Variants in SMIM35 observed in about 807,000 individuals in gnomAD.
The protein encoded by SMIM35 is TMPRSS4 antisense RNA 1 (non-protein coding).
chr11:118,051,928 T>C (rs1944222660), intron 1 of SMIM35, among the ~76,000 whole-genome samples: 1 of 151,796 alleles, frequency 6.6e-6, no homozygotes, highest in Admixed American at 6.6e-5. Flanking sequence ...GCAGGGAGAG[T>C]GCTAGGTGTG....
chr11:118,004,164 T>C lies in SMIM35; in HGVS notation c.*2246A>G, dbSNP rs1290870412. ...TCCCATCATGGAGGCCCCATCCTCA[T>C]GACCTCATCTAAACCAATTACCTCC... On this transcript the variant is annotated 3_prime_UTR_variant, in exon 5 of 5. Coordinates refer to ENST00000689828, the MANE Select transcript of SMIM35 (RefSeq NM_001394165.1). The C allele has an allele frequency of 1.3e-5, 2 of 152,246 alleles. No homozygotes were observed. Among genetic ancestry groups the C allele is most frequent in the Non-Finnish European group, 2.9e-5 (2 of 68,042 alleles). The allele number at this position is 152,246 out of a possible 1,614,324, so 9.4% of individuals were successfully genotyped here.
intron 1 of SMIM35, among the ~76,000 whole-genome samples, chr11:118,030,591 C>T (rs1398902717): frequency 6.6e-5 from 10 of 152,098 alleles, no homozygotes; most frequent in Admixed American, 4.6e-4. Context: ...TCCTGAGCAG[C>T]GTGAAGCGGG....
At chr11:118,038,543 A>C (rs1943946888) in intron 1 of SMIM35, among the ~76,000 whole-genome samples, 1 of 152,260 alleles carries the variant, frequency 6.6e-6, no homozygotes, top group South Asian at 2.1e-4. Context: ...CAGCTACTGC[A>C]AATGAGTCCA....
At chr11:118,010,811 G>A (rs1313401462) in intron 4 of SMIM35, among the ~76,000 whole-genome samples, 1 of 152,184 alleles carries the variant, frequency 6.6e-6, no homozygotes, top group Admixed American at 6.5e-5. Context: ...CCCAGCCCCC[G>A]TGACTGCCTC....
rs886889101 is a variant in SMIM35, at chr11:118,049,029, A to AT, written c.8-33221dup. Among the ~76,000 whole-genome samples, 16 of 148,656 alleles carry AT rather than the reference A, an allele frequency of 1.1e-4. 1 individual carries two copies. The South Asian group carries it at 3.5e-3, about 32-fold the overall frequency. ...GTACTACTTTTGCAACCAAAAATAT[A>AT]TTTTTTTAAGTAAGAGCGCTATTTC... On this transcript the variant is annotated intron_variant, in intron 1 of 4. Transcript: ENST00000689828.
At chr11:118,083,945 G>A (rs927712068) in intron 1 of SMIM35, among the ~76,000 whole-genome samples, 3 of 152,162 alleles carry the variant, frequency 2.0e-5, no homozygotes, top group African/African-American at 7.2e-5. Context: ...GGCTGAGCCA[G>A]GAGAATCGCT....
intron 1 of SMIM35, among the ~76,000 whole-genome samples, chr11:118,062,994 C>T (rs1056084095): frequency 1.3e-5 from 2 of 152,114 alleles, no homozygotes; most frequent in African/African-American, 2.4e-5. Flanking sequence ...GACCTCTGGT[C>T]GTCCTCACTG....
chr11:118,042,470 AT>A lies in SMIM35; in HGVS notation c.8-26662del, dbSNP rs560242827. ...AAAGAGGCTGAACTAGCAATAAAAAATAATACCCACAAGAAAAACCCAAGCC... is the reference window on the plus strand; with the variant it reads ...AAAGAGGCTGAACTAGCAATAAAAAAAATACCCACAAGAAAAACCCAAGCC... On this transcript the variant is annotated intron_variant, in intron 1 of 4. Transcript: ENST00000689828. Among the ~76,000 whole-genome samples the A allele has an allele frequency of 3.4e-3, 515 of 152,344 alleles. 3 individuals are homozygous for A. The highest frequency in any genetic ancestry group is 4.8e-3 in the Non-Finnish European group (324 of 68,038).
In SMIM35 at chr11:118,061,949, G is replaced by A. The variant is rs58958567; in HGVS notation, c.7+24802C>T. Among the ~76,000 whole-genome samples, 1,325 of 152,256 alleles carry A rather than the reference G, an allele frequency of 8.7e-3. 24 individuals are homozygous for A. The highest frequency in any genetic ancestry group is 0.03 in the African/African-American group (1,262 of 41,540). On this transcript the variant is annotated intron_variant, in intron 1 of 4. Transcript: ENST00000689828. ...GGGCAGAACCCCACCAACTGCCTCG[G>A]TCCAAGTTCATTACAACTCAGTCTC...
At position 118,044,667 on chromosome 11, in the gene SMIM35, C is replaced by T. The variant is rs143155129; in HGVS notation, c.8-28858G>A. ...CGGGCACCTGTAATTCCAGCTACTC[C>T]GGAGGCTGAGGCAGGAGAGTTGCTT... On this transcript the variant is annotated intron_variant, in intron 1 of 4. Coordinates refer to ENST00000689828, the MANE Select transcript of SMIM35 (RefSeq NM_001394165.1). Among the ~76,000 whole-genome samples the T allele has an allele frequency of 9.1e-3, 1,369 of 150,272 alleles. 19 individuals carry two copies. The highest frequency in any genetic ancestry group is 0.031 in the African/African-American group (1,281 of 40,842).
chr11:118,043,550 C>T (rs1467201436), intron 1 of SMIM35, among the ~76,000 whole-genome samples: 1 of 152,090 alleles, frequency 6.6e-6, no homozygotes, highest in Non-Finnish European at 1.5e-5. Flanking sequence ...GTGACTCACA[C>T]CTGTAATTCC....
At chr11:118,048,594 GAAGC>G (rs1198910735) in intron 1 of SMIM35, among the ~76,000 whole-genome samples, 18 of 129,992 alleles carry the variant, frequency 1.4e-4, no homozygotes, top group East Asian at 1.3e-3. Context: ...AGGAAGGAAG[GAAGC>G]AAGGAAGCAA....
At chr11:118,064,172 C>T (rs1446864017) in intron 1 of SMIM35, among the ~76,000 whole-genome samples, 1 of 152,156 alleles carries the variant, frequency 6.6e-6, no homozygotes, top group Non-Finnish European at 1.5e-5. Context: ...GGGGAGAACC[C>T]CCAGGCATTT....
At chr11:118,014,056 G>T (rs182467324) in intron 3 of SMIM35, among the ~76,000 whole-genome samples, 176 bp from the exon 4 acceptor site, 1 of 152,196 alleles carries the variant, frequency 6.6e-6, no homozygotes, top group Non-Finnish European at 1.5e-5. Context: ...CCTGTGGCAA[G>T]TAGATGAGAT....
At chr11:118,028,719 G>A (rs149937973) in intron 1 of SMIM35, 6 of 397,544 alleles carry the variant, frequency 1.5e-5, no homozygotes, top group African/African-American at 1.3e-4. Flanking sequence ...ACAAAGTAAG[G>A]TCAAGGGGTA....
At chr11:118,018,893 T>C (rs1163879473) in intron 1 of SMIM35, among the ~76,000 whole-genome samples, 1 of 152,208 alleles carries the variant, frequency 6.6e-6, no homozygotes, top group Non-Finnish European at 1.5e-5. Context: ...AAATATTTCA[T>C]GCATACAAGA....
At position 118,083,562 on chromosome 11, in the gene SMIM35, CTA is replaced by C. The variant is rs575623837; in HGVS notation, c.7+3187_7+3188del. Among the ~76,000 whole-genome samples, 12 of 152,218 alleles carry C rather than the reference CTA, an allele frequency of 7.9e-5. No homozygotes were observed. The East Asian group carries it at 2.3e-3, about 29-fold the overall frequency. On this transcript the variant is annotated intron_variant, in intron 1 of 4. Coordinates refer to ENST00000689828, the MANE Select transcript of SMIM35 (RefSeq NM_001394165.1). Reference sequence around the variant, plus strand: ...CCCATTAACAATAAATAATTTTTGACTATGAGTATCTACTATGTCATGAACTT... The same window carrying C: ...CCCATTAACAATAAATAATTTTTGACTGAGTATCTACTATGTCATGAACTT...
chr11:118,056,482 C>A (rs908343771), intron 1 of SMIM35, among the ~76,000 whole-genome samples: 1 of 152,104 alleles, frequency 6.6e-6, no homozygotes, highest in Non-Finnish European at 1.5e-5. Flanking sequence ...GTTCCATCGT[C>A]CTGTTGAGCT....
At chr11:118,010,930 C>A (rs2058146879) in intron 4 of SMIM35, among the ~76,000 whole-genome samples, 1 of 152,230 alleles carries the variant, frequency 6.6e-6, no homozygotes, top group Non-Finnish European at 1.5e-5. Context: ...CCTGGCTCAG[C>A]CAAACCTGTG....
Sources: allele counts gnomAD v4.1 joint callset (sites outside exome capture counted in the v4.1 genomes callset), GRCh38; gene constraint gnomAD v4.1.1; transcripts MANE v1.5; gene names NCBI Gene and HGNC (gene_info 2026-07-23, HGNC 2026-07-21).